STK3: variants seen among roughly 807,000 people sequenced by gnomAD.
The protein encoded by STK3 is serine/threonine kinase 3, also known as serine/threonine-protein kinase 3.
STK3 carries 41 observed loss-of-function variants against 58.0 expected under a neutral mutation model. That is an observed-to-expected ratio of 0.71 (90% CI 0.55 to 0.92). STK3 has a LOEUF of 0.92. STK3 is among the 40% of genes least tolerant of loss of function. The pLI, the probability that STK3 is intolerant of heterozygous loss-of-function variation, is 0.00. For synonymous variants in STK3, 170 were observed against 191.0 expected (o/e 0.89, Z 0.91); for missense variants, 479 against 602.7 (o/e 0.79, Z 2.15).
chr8:98,866,229 G>T (rs554879551), intron 3 of STK3, among the ~76,000 whole-genome samples: 21 of 152,332 alleles, frequency 1.4e-4, no homozygotes, highest in African/African-American at 5.1e-4. Flanking sequence ...TGTTCATTTT[G>T]CAGGGTCAGT....
upstream of STK3, among the ~76,000 whole-genome samples, chr8:98,389,439 C>G (rs1211781385): frequency 2.0e-5 from 3 of 152,130 alleles, no homozygotes; most frequent in African/African-American, 7.2e-5. Flanking sequence ...GCTAAAGCTT[C>G]AAATAAAAAA....
At chr8:98,699,105 ATTCATTTCG>A (rs1368967671) in intron 6 of STK3, among the ~76,000 whole-genome samples, 2 of 152,020 alleles carry the variant, frequency 1.3e-5, no homozygotes, top group Non-Finnish European at 1.5e-5. Context: ...GCTTCATTTC[ATTCATTTCG>A]TCTTCCATCA....
At chr8:98,705,928 A>G (rs939184684) in intron 6 of STK3, among the ~76,000 whole-genome samples, 3 of 152,222 alleles carry the variant, frequency 2.0e-5, no homozygotes, top group African/African-American at 7.2e-5. Context: ...ATGATGTTCA[A>G]AAAAGGAATT....
Position 98,840,618 on chromosome 8 carries a change from T to C in STK3, c.110+43029A>G, listed in dbSNP as rs914736068. 2.3e-4 allele frequency among the ~76,000 whole-genome samples: 24 copies of C among 102,700 alleles called. No individual in the cohort carries two copies. In the East Asian group the frequency reaches 7.7e-3, roughly 33 times the overall value. 67.4% of individuals were successfully genotyped at this position (102,700 alleles called of 152,430 possible). On this transcript the variant is annotated intron_variant, in intron 3 of 12. Coordinates refer to the STK3 transcript ENST00000523601. Reference sequence around the variant, plus strand: ...ATATATATATATATATATATATATATATATATATATACACACACATACGTT... The same window carrying C: ...ATATATATATATATATATATATATACATATATATATACACACACATACGTT...
At chr8:98,716,676 T>C (rs1827041815) in intron 4 of STK3, among the ~76,000 whole-genome samples, 1 of 152,058 alleles carries the variant, frequency 6.6e-6, no homozygotes, top group Non-Finnish European at 1.5e-5. Context: ...TAGAAAAACT[T>C]ATCCTAAAAT....
chr8:98,412,328 T>C (rs939851623), intron 3 of STK3, among the ~76,000 whole-genome samples: 7 of 152,196 alleles, frequency 4.6e-5, no homozygotes, highest in African/African-American at 1.7e-4. Flanking sequence ...GTCTCCATTG[T>C]TCAGGCCTCA....
intron 10 of STK3, among the ~76,000 whole-genome samples, chr8:98,509,280 T>C (rs1004175525): frequency 7.2e-5 from 11 of 152,060 alleles, no homozygotes; most frequent in Non-Finnish European, 1.5e-4. Flanking sequence ...TAAATTTTAT[T>C]ATATCTTTAA....
chr8:98,664,584 T>A (rs912283283), intron 6 of STK3, among the ~76,000 whole-genome samples: 2 of 152,212 alleles, frequency 1.3e-5, no homozygotes, highest in African/African-American at 2.4e-5. Flanking sequence ...TAGCCCAACT[T>A]CGTTTGGTTT....
intron 10 of STK3, among the ~76,000 whole-genome samples, chr8:98,511,496 T>C (rs979017333): frequency 1.8e-4 from 28 of 152,242 alleles, no homozygotes; most frequent in Admixed American, 8.5e-4. Flanking sequence ...GATGCTACCC[T>C]AAATACAAGA....
At chr8:98,558,645 C>T (rs1019924469) in intron 8 of STK3, among the ~76,000 whole-genome samples, 6 of 151,966 alleles carry the variant, frequency 3.9e-5, no homozygotes, top group Non-Finnish European at 8.8e-5. Flanking sequence ...ACAAATACAA[C>T]TAAGGGCTAA....
intron 3 of STK3, chr8:98,427,373 C>T (rs1007066966): frequency 1.4e-4 from 22 of 152,048 alleles, no homozygotes; most frequent in African/African-American, 5.3e-4. Context: ...GGCAGCCCCG[C>T]TGGGTGAGGC....
chr8:98,598,383 A>G, intron 6 of STK3: 2 of 985,380 alleles, frequency 2.0e-6, no homozygotes, highest in South Asian at 9.4e-5. Flanking sequence ...ACCCTCAAAT[A>G]TGCATTGAAC....
chr8:98,939,841 G>A (rs529878180), intron 1 of STK3, among the ~76,000 whole-genome samples: 1 of 152,376 alleles, frequency 6.6e-6, no homozygotes, highest in East Asian at 1.9e-4. Flanking sequence ...GCCCTGGGCG[G>A]TTGGGGCCTT....
chr8:98,694,031 T>A (rs553065835), intron 6 of STK3, among the ~76,000 whole-genome samples: 1 of 152,324 alleles, frequency 6.6e-6, no homozygotes, highest in Admixed American at 6.5e-5. Flanking sequence ...GGATTTCCAA[T>A]GGGAGAGAGC....
intron 1 of STK3, among the ~76,000 whole-genome samples, chr8:98,921,761 G>A (rs890793356): frequency 2.0e-5 from 3 of 151,632 alleles, no homozygotes; most frequent in Admixed American, 6.6e-5. Flanking sequence ...GCATGATTTC[G>A]GCTCACTGCA....
chr8:98,736,671 C>G (rs963794541), intron 4 of STK3, among the ~76,000 whole-genome samples: 3 of 152,088 alleles, frequency 2.0e-5, no homozygotes, highest in Non-Finnish European at 4.4e-5. Context: ...AGATTTCTTT[C>G]AAAGACAAGC....
At chr8:98,700,181 A>T (rs570972111) in intron 6 of STK3, among the ~76,000 whole-genome samples, 32 of 152,328 alleles carry the variant, frequency 2.1e-4, no homozygotes, top group Admixed American at 4.6e-4. Context: ...AGTGCGGGAT[A>T]TAATCTCCTG....
chr8:98,700,647 A>T (rs1825506889), intron 6 of STK3, among the ~76,000 whole-genome samples: 1 of 152,184 alleles, frequency 6.6e-6, no homozygotes, highest in African/African-American at 2.4e-5. Flanking sequence ...AATCTTCCAA[A>T]ATACACTATT....
intron 6 of STK3, among the ~76,000 whole-genome samples, chr8:98,657,738 CT>C (rs1008089220): frequency 6.6e-6 from 1 of 151,904 alleles, no homozygotes; most frequent in African/African-American, 2.4e-5. Context: ...TTAAGAGTAT[CT>C]TAATGTGATT....
Sources: allele counts gnomAD v4.1 joint callset (sites outside exome capture counted in the v4.1 genomes callset), GRCh38; gene constraint gnomAD v4.1.1; transcripts MANE v1.5; gene names NCBI Gene and HGNC (gene_info 2026-07-23, HGNC 2026-07-21).